GPATCH8: variants seen among roughly 807,000 people sequenced by gnomAD.
GPATCH8 encodes the protein G patch domain-containing protein 8.
In GPATCH8, 18 loss-of-function variants were observed where a neutral mutation model predicts 118.3. The ratio of observed to expected loss-of-function variants is 0.15; its 90% CI spans 0.11 to 0.23. The LOEUF (loss-of-function observed/expected upper bound fraction) is 0.23, where lower values mean the gene tolerates loss of function less well. GPATCH8 is among the 10% of genes least tolerant of loss of function. GPATCH8 has a pLI of 1.00. For missense variants in GPATCH8, 1,631 were observed against 1,873.8 expected (o/e 0.87, Z 2.39); for synonymous variants, 659 against 684.7 (o/e 0.96, Z 0.59).
chr17:44,454,598 A>G (rs2051256844), intron 3 of GPATCH8, among the ~76,000 whole-genome samples: 1 of 151,914 alleles, frequency 6.6e-6, no homozygotes, highest in Non-Finnish European at 1.5e-5. Flanking sequence ...CTTTATATTT[A>G]TTTTAATTTT....
At chr17:44,500,769 C>T (rs1287547014) in intron 1 of GPATCH8, among the ~76,000 whole-genome samples, 1 of 152,240 alleles carries the variant, frequency 6.6e-6, no homozygotes, top group Non-Finnish European at 1.5e-5. Flanking sequence ...TGGAAACCTA[C>T]TATGACTTGT....
intron 7 of GPATCH8, among the ~76,000 whole-genome samples, chr17:44,404,490 G>A (rs1181882542): frequency 2.0e-5 from 3 of 152,168 alleles, no homozygotes; most frequent in Non-Finnish European, 4.4e-5. Context: ...TTGTAATAGT[G>A]TCATAATTTA....
chr17:44,464,750 T>C (rs974278011), intron 2 of GPATCH8: 16 of 571,804 alleles, frequency 2.8e-5, no homozygotes, highest in Admixed American at 1.7e-4. Context: ...GAAGAACATA[T>C]GGGGTAAGGG....
intron 3 of GPATCH8, among the ~76,000 whole-genome samples, chr17:44,448,305 C>T (rs2050961937): frequency 6.6e-6 from 1 of 151,912 alleles, no homozygotes; most frequent in South Asian, 2.1e-4. Context: ...CGCCTATAAT[C>T]CCAGCACTTT....
At chr17:44,437,959 AC>A (rs67633759) in intron 3 of GPATCH8, among the ~76,000 whole-genome samples, 67,341 of 142,814 alleles carry the variant, frequency 0.47, 17,464 homozygotes, top group Middle Eastern at 0.59. Flanking sequence ...AAAAAAAAAA[AC>A]AAAACAACAA....
In GPATCH8 at chr17:44,398,819, GTTC is replaced by G. The variant is rs773464093; in HGVS notation, c.3255_3257del (p.Lys1085del). Reference sequence around the variant, plus strand: ...CCAGTAGCAGTTTGGCAGTGACAGAGTTCTTGTCTTCAGGACTGCAGTCACCTT... The same window carrying G: ...CCAGTAGCAGTTTGGCAGTGACAGAGTTGTCTTCAGGACTGCAGTCACCTT... On this transcript the variant is annotated inframe_deletion, in exon 8 of 8. Transcript: ENST00000591680. 6.2e-7 allele frequency: 1 copy of G among 1,614,040 alleles called. No homozygotes were observed.
intron 6 of GPATCH8, among the ~76,000 whole-genome samples, chr17:44,409,661 T>C (rs962041349): frequency 3.3e-5 from 5 of 152,354 alleles, no homozygotes; most frequent in Admixed American, 1.3e-4. Context: ...CACTTATTAC[T>C]AGGTGATTTC....
At chr17:44,472,415 G>C (rs1048363092) in intron 2 of GPATCH8, among the ~76,000 whole-genome samples, 2 of 152,126 alleles carry the variant, frequency 1.3e-5, no homozygotes, top group Non-Finnish European at 2.9e-5. Flanking sequence ...TGTGCCATAG[G>C]AATGAAATTT....
chr17:44,497,068 T>C (rs557921365), intron 1 of GPATCH8, among the ~76,000 whole-genome samples: 1 of 152,274 alleles, frequency 6.6e-6, no homozygotes, highest in African/African-American at 2.4e-5. Flanking sequence ...TAAATGGTAA[T>C]GCTAATATGA....
At position 44,400,818 on chromosome 17, in the gene GPATCH8, A is replaced by G. The variant is rs2143637739; in HGVS notation, c.1259T>C (p.Met420Thr). Residue 420 changes from methionine (M) to threonine (T), a missense_variant, in exon 8 of 8, where the codon ATG (methionine) becomes ACG (threonine). Physicochemically the swap from Met to Thr is moderately conservative, Grantham distance 81. Transcript: ENST00000591680. ...FLLFMRASEQ[M>T]DGDNTTHPKN... ...TGGGTGTGTAGTATTATCACCATCC[A>G]TTTGTTCACTGGCTCTCATAAAAAG... 1 of 1,614,100 alleles carries G rather than the reference A, an allele frequency of 6.2e-7. No homozygotes were observed.
intron 1 of GPATCH8, among the ~76,000 whole-genome samples, chr17:44,494,124 C>T (rs1969489042): frequency 6.6e-6 from 1 of 152,100 alleles, no homozygotes; most frequent in African/African-American, 2.4e-5. Flanking sequence ...TCTACGACCA[C>T]CACCTTCTAC....
intron 3 of GPATCH8, among the ~76,000 whole-genome samples, chr17:44,449,113 T>TA (rs2051016064): frequency 6.6e-6 from 1 of 151,894 alleles, no homozygotes; most frequent in South Asian, 2.1e-4. Flanking sequence ...CTGTCTCTGC[T>TA]AAAAAATACA....
At chr17:44,426,834 C>T (rs977378724) in intron 5 of GPATCH8, among the ~76,000 whole-genome samples, 3 of 125,710 alleles carry the variant, frequency 2.4e-5, no homozygotes, top group African/African-American at 9.5e-5. Context: ...ATCTCTTCAA[C>T]AACACACACA....
At chr17:44,484,901 C>T (rs1467549213) in intron 1 of GPATCH8, among the ~76,000 whole-genome samples, 2 of 152,140 alleles carry the variant, frequency 1.3e-5, no homozygotes, top group Non-Finnish European at 2.9e-5. Context: ...AAGCCTCAAC[C>T]TCCCAGGCTC....
At chr17:44,464,260 C>T (rs2051674246) in intron 3 of GPATCH8, among the ~76,000 whole-genome samples, 1 of 152,134 alleles carries the variant, frequency 6.6e-6, no homozygotes, top group Non-Finnish European at 1.5e-5. Flanking sequence ...GTTTCGATGA[C>T]ACAGCAGCTT....
intron 2 of GPATCH8, chr17:44,464,872 A>G (rs1445718404): frequency 9.6e-6 from 3 of 312,216 alleles, no homozygotes; most frequent in African/African-American, 2.2e-5. Flanking sequence ...ATAACACTAA[A>G]AAGCATAAAA....
intron 3 of GPATCH8, among the ~76,000 whole-genome samples, chr17:44,462,737 C>T (rs532164520): frequency 1.3e-5 from 2 of 152,236 alleles, no homozygotes; most frequent in African/African-American, 2.4e-5. Flanking sequence ...AATCCCAGCA[C>T]TTTTGGAGGC....
chr17:44,438,083 T>C (rs1368758560), intron 3 of GPATCH8, among the ~76,000 whole-genome samples: 1 of 152,060 alleles, frequency 6.6e-6, no homozygotes, highest in East Asian at 1.9e-4. Context: ...GTGACTGCAA[T>C]CTTTAGCAAA....
chr17:44,486,497 C>T (rs1968793565), intron 1 of GPATCH8: 1 of 152,134 alleles, frequency 6.6e-6, no homozygotes, highest in Admixed American at 6.6e-5. Flanking sequence ...TTTTTTTTAA[C>T]AATTTTTGTA....
Sources: gnomAD v4.1 joint callset for allele counts (sites outside exome capture counted in the v4.1 genomes callset) on GRCh38, gnomAD v4.1.1 for gene constraint, MANE v1.5 for transcripts, NCBI Gene and HGNC (gene_info 2026-07-23, HGNC 2026-07-21) for gene names.